SUMF1: variants seen among roughly 807,000 people sequenced by gnomAD.
SUMF1 encodes formylglycine-generating enzyme.
Under a neutral mutation model 47.6 loss-of-function variants are expected in SUMF1, and 48 were observed. The ratio of observed to expected loss-of-function variants is 1.01; its 90% confidence interval spans 0.80 to 1.28. SUMF1 has a LOEUF of 1.28. SUMF1 is among the 50% of genes most tolerant of loss of function. The probability of loss-of-function intolerance (pLI) is 0.00; values close to 1 mark genes in which losing one functional copy is unlikely to be tolerated. For synonymous variants in SUMF1, 230 were observed against 192.1 expected (o/e 1.20, Z -1.63); for missense variants, 571 against 485.4 (o/e 1.18, Z -1.66).
intron 8 of SUMF1, among the ~76,000 whole-genome samples, chr3:4,220,888 A>G (rs932938754): frequency 6.6e-6 from 1 of 152,112 alleles, no homozygotes; most frequent in African/African-American, 2.4e-5. Context: ...GGTCCGAATT[A>G]TTACTTGGTT....
At chr3:4,306,544 T>G (rs1221979719) in intron 8 of SUMF1, among the ~76,000 whole-genome samples, 1 of 151,276 alleles carries the variant, frequency 6.6e-6, no homozygotes, top group East Asian at 2.0e-4. Context: ...CCCAATAAAG[T>G]TAGAGTTACA....
At chr3:4,207,344 G>A (rs1695676123) in intron 8 of SUMF1, among the ~76,000 whole-genome samples, 2 of 152,024 alleles carry the variant, frequency 1.3e-5, no homozygotes, top group African/African-American at 4.8e-5. Flanking sequence ...TCATTGCACT[G>A]CCTCGAATGT....
At chr3:4,367,614 C>G in intron 8 of SUMF1, among the ~76,000 whole-genome samples, 1 of 152,128 alleles carries the variant, frequency 6.6e-6, no homozygotes, top group Non-Finnish European at 1.5e-5. Context: ...ACCAAAACAA[C>G]ATGGTACTGG....
At chr3:4,462,559 C>T (rs536880138) in intron 1 of SUMF1, among the ~76,000 whole-genome samples, 9 of 152,270 alleles carry the variant, frequency 5.9e-5, no homozygotes, top group African/African-American at 2.2e-4. Flanking sequence ...TCACTTGCTA[C>T]CGTAAGATTT....
chr3:4,219,572 A>G (rs1696016402), intron 8 of SUMF1, among the ~76,000 whole-genome samples: 1 of 152,080 alleles, frequency 6.6e-6, no homozygotes. Flanking sequence ...ATTCCTCTAG[A>G]TGTTTTGGAC....
chr3:4,080,143 C>G (rs1462605403), intron 8 of SUMF1, among the ~76,000 whole-genome samples: 1 of 152,102 alleles, frequency 6.6e-6, no homozygotes, highest in Non-Finnish European at 1.5e-5. Context: ...TCTTTACTTC[C>G]AGTTTTGACA....
At chr3:4,176,296 G>A (rs4685735) in intron 8 of SUMF1, among the ~76,000 whole-genome samples, 30,807 of 151,992 alleles carry the variant, frequency 0.2, 3,743 homozygotes, top group East Asian at 0.4. Context: ...GAGAAAGGTC[G>A]AGTTACTCAC....
intron 3 of SUMF1, among the ~76,000 whole-genome samples, chr3:4,427,773 T>C (rs183442360): frequency 1.3e-5 from 2 of 152,252 alleles, no homozygotes; most frequent in African/African-American, 4.8e-5. Flanking sequence ...TCAAAACATT[T>C]CATGTCCTTA....
At chr3:4,321,383 T>C (rs983850650) in intron 8 of SUMF1, among the ~76,000 whole-genome samples, 2 of 149,704 alleles carry the variant, frequency 1.3e-5, no homozygotes, top group African/African-American at 2.5e-5. Flanking sequence ...CAGGGTTCTT[T>C]GGAGAAATGG....
At chr3:4,241,282 C>G (rs1023791668) in intron 8 of SUMF1, among the ~76,000 whole-genome samples, 4 of 152,104 alleles carry the variant, frequency 2.6e-5, no homozygotes, top group Admixed American at 6.6e-5. Flanking sequence ...CTATCTGATG[C>G]TTCTCATGTA....
chr3:4,115,315 T>C lies in SUMF1; in HGVS notation c.1015-46570A>G, dbSNP rs570122806. On this transcript the variant is annotated intron_variant and NMD_transcript_variant, in intron 8 of 12. Transcript: ENST00000448413. The stretch of plus-strand genomic sequence containing the variant: ...GAGCTACTTCTACTCAACGAAACTC[T>C]GCACTCATTCTCCAAGCCCGCGTGT... Among the ~76,000 whole-genome samples, 3 of 152,142 alleles carry C rather than the reference T, an allele frequency of 2.0e-5. No homozygotes were observed. The South Asian group carries it at 6.3e-4, about 32-fold the overall frequency.
At chr3:4,436,612 A>C (rs1486771993) in intron 3 of SUMF1, among the ~76,000 whole-genome samples, 2 of 151,688 alleles carry the variant, frequency 1.3e-5, no homozygotes, top group Non-Finnish European at 2.9e-5. Context: ...AAAAAAAAAA[A>C]ACTTCCCAAT....
chr3:4,134,656 C>A (rs1186594558), intron 8 of SUMF1, among the ~76,000 whole-genome samples: 6 of 152,002 alleles, frequency 3.9e-5, no homozygotes, highest in South Asian at 2.1e-4. Flanking sequence ...ACACAAAAAA[C>A]CCTTCAAAAA....
intron 8 of SUMF1, among the ~76,000 whole-genome samples, chr3:4,121,644 T>TA (rs1372197379): frequency 2.0e-5 from 3 of 152,290 alleles, no homozygotes; most frequent in African/African-American, 7.2e-5. Context: ...CATTCCTAGG[T>TA]ATATACCCAA....
chr3:4,191,749 A>G (rs927295720), intron 8 of SUMF1, among the ~76,000 whole-genome samples: 2 of 152,140 alleles, frequency 1.3e-5, no homozygotes, highest in African/African-American at 4.8e-5. Context: ...ATAATGCTAC[A>G]TCAGGATAGG....
chr3:4,214,978 G>A (rs567828282), intron 8 of SUMF1, among the ~76,000 whole-genome samples: 1 of 152,240 alleles, frequency 6.6e-6, no homozygotes, highest in South Asian at 2.1e-4. Context: ...ACAAAGAGGA[G>A]CTGGTACCAT....
At chr3:4,319,798 C>T (rs902037266) in intron 8 of SUMF1, among the ~76,000 whole-genome samples, 1 of 152,086 alleles carries the variant, frequency 6.6e-6, no homozygotes, top group African/African-American at 2.4e-5. Context: ...CTGGTACATC[C>T]ATATGATGGA....
At position 4,102,742 on chromosome 3, in the gene SUMF1, A is replaced by G. The variant is rs981347952; in HGVS notation, c.1015-33997T>C. Among the ~76,000 whole-genome samples the G allele has an allele frequency of 5.3e-5, 8 of 152,166 alleles. No homozygotes were observed. In the South Asian group the frequency reaches 6.2e-4, roughly 12 times the overall value. The stretch of plus-strand genomic sequence containing the variant: ...CTCTACAAGGGCAGAGTCTTGCACC[A>G]GAAGCACAGGATTTGATAGGTGCTT... On this transcript the variant is annotated intron_variant and NMD_transcript_variant, in intron 8 of 12. Coordinates refer to the SUMF1 transcript ENST00000448413.
intron 8 of SUMF1, among the ~76,000 whole-genome samples, chr3:4,145,722 G>C (rs1694178681): frequency 1.3e-5 from 2 of 152,092 alleles, no homozygotes; most frequent in African/African-American, 4.8e-5. Flanking sequence ...CAGGAATTTT[G>C]GGTTCTTTGG....
Sources: allele counts gnomAD v4.1 joint callset (sites outside exome capture counted in the v4.1 genomes callset), GRCh38; gene constraint gnomAD v4.1.1; transcripts MANE v1.5; gene names NCBI Gene and HGNC (gene_info 2026-07-23, HGNC 2026-07-21).